The following SPON1 variants were observed in gnomAD, a reference collection of about 807,000 sequenced individuals.
SPON1 encodes the protein spondin 1.
A neutral mutation model predicts 111.7 loss-of-function variants in SPON1; 52 were observed. That is an observed-to-expected ratio of 0.47 (90% CI 0.37 to 0.59). SPON1 has a LOEUF of 0.59. Among genes scored for constraint, SPON1 ranks in the 20% least tolerant of loss-of-function variants. SPON1 has a pLI of 0.00. For synonymous variants in SPON1, 410 were observed against 395.8 expected (o/e 1.04, Z -0.43); for missense variants, 957 against 1,068.5 (o/e 0.90, Z 1.46).
chr11:14,225,784 G>A (rs1848732218), intron 6 of SPON1, among the ~76,000 whole-genome samples: 1 of 152,198 alleles, frequency 6.6e-6, no homozygotes, highest in Non-Finnish European at 1.5e-5. Context: ...CTACAGGGTT[G>A]CAAAAGTAAG....
intron 6 of SPON1, among the ~76,000 whole-genome samples, chr11:14,223,562 AT>A (rs1453369949): frequency 6.6e-6 from 1 of 152,226 alleles, no homozygotes; most frequent in African/African-American, 2.4e-5. Flanking sequence ...GATGAATGTC[AT>A]TCGGTTCTGT....
intron 2 of SPON1, among the ~76,000 whole-genome samples, chr11:13,992,410 C>A (rs1848237975): frequency 6.6e-6 from 1 of 152,164 alleles, no homozygotes; most frequent in Non-Finnish European, 1.5e-5. Flanking sequence ...CTTCCTCCAC[C>A]AAGCTCGAGC....
At chr11:13,990,668 G>T (rs1027891676) in intron 2 of SPON1, among the ~76,000 whole-genome samples, 2 of 151,810 alleles carry the variant, frequency 1.3e-5, no homozygotes, top group Non-Finnish European at 2.9e-5. Flanking sequence ...TCATAGTGTC[G>T]ATATTCTTTA....
chr11:14,131,376 A>C (rs1847527856), intron 5 of SPON1, among the ~76,000 whole-genome samples: 1 of 152,142 alleles, frequency 6.6e-6, no homozygotes, highest in South Asian at 2.1e-4. Context: ...GGAGATCATC[A>C]TCCTAACACC....
At chr11:13,992,035 G>T (rs1848234962) in intron 2 of SPON1, among the ~76,000 whole-genome samples, 1 of 152,180 alleles carries the variant, frequency 6.6e-6, no homozygotes, top group Non-Finnish European at 1.5e-5. Context: ...AATACACGGG[G>T]GTCAGGGACC....
intron 6 of SPON1, among the ~76,000 whole-genome samples, chr11:14,233,590 C>T (rs1554938956): frequency 1.3e-5 from 2 of 152,078 alleles, no homozygotes; most frequent in African/African-American, 2.4e-5. Context: ...CATTATTTAT[C>T]CCTTAAATAT....
chr11:14,230,333 T>C (rs1364685413), intron 6 of SPON1, among the ~76,000 whole-genome samples: 2 of 152,196 alleles, frequency 1.3e-5, no homozygotes, highest in African/African-American at 4.8e-5. Context: ...TTATTACATT[T>C]AAAGACCCAG....
intron 3 of SPON1, among the ~76,000 whole-genome samples, chr11:14,067,179 A>AT (rs1848839369): frequency 6.6e-6 from 1 of 151,692 alleles, no homozygotes; most frequent in Non-Finnish European, 1.5e-5. Flanking sequence ...TCTGCCTCAA[A>AT]AAAAACAAAA....
In SPON1 at chr11:13,998,098, T is replaced by A. The variant is rs374761255; in HGVS notation, c.345+15145T>A. On this transcript the variant is annotated intron_variant, in intron 2 of 15. Transcript: ENST00000576479. ...AGTAAATATTAGTCACATAAATAAA[T>A]GTATTAACCCCTCTTCAACTCAGAT... Among the ~76,000 whole-genome samples the A allele has an allele frequency of 2.8e-4, 42 of 152,278 alleles. No homozygotes were observed. In the East Asian group the frequency reaches 7.5e-3, roughly 27 times the overall value.
intron 6 of SPON1, among the ~76,000 whole-genome samples, chr11:14,233,639 A>T (rs1345855954): frequency 6.6e-6 from 1 of 151,738 alleles, no homozygotes; most frequent in Non-Finnish European, 1.5e-5. Context: ...GGTGCTGAGG[A>T]TATAGAAGGG....
chr11:14,017,525 G>A (rs1848452217), intron 2 of SPON1, among the ~76,000 whole-genome samples: 1 of 152,180 alleles, frequency 6.6e-6, no homozygotes, highest in Non-Finnish European at 1.5e-5. Flanking sequence ...CTTAAACTGT[G>A]TTCATATTCA....
intron 2 of SPON1, among the ~76,000 whole-genome samples, chr11:14,008,245 T>C (rs1334187942): frequency 6.6e-6 from 1 of 152,190 alleles, no homozygotes; most frequent in Non-Finnish European, 1.5e-5. Flanking sequence ...AAGGAGTATA[T>C]GGGAGGAGTA....
At chr11:14,025,316 T>C (rs1848509480) in intron 2 of SPON1, among the ~76,000 whole-genome samples, 1 of 152,260 alleles carries the variant, frequency 6.6e-6, no homozygotes, top group Non-Finnish European at 1.5e-5. Flanking sequence ...GCAATACCTC[T>C]TTAATTTTAA....
intron 6 of SPON1, among the ~76,000 whole-genome samples, chr11:14,173,785 A>G (rs905461682): frequency 6.6e-6 from 1 of 152,166 alleles, no homozygotes. Context: ...GGGTGTCAGC[A>G]GTGGTGGCTG....
chr11:14,247,891 A>C (rs1849009816), intron 7 of SPON1, among the ~76,000 whole-genome samples: 1 of 152,240 alleles, frequency 6.6e-6, no homozygotes, highest in African/African-American at 2.4e-5. Context: ...AGAATTCTGC[A>C]CTGAGATCTA....
At chr11:14,075,148 A>G (rs1417191795) in intron 3 of SPON1, among the ~76,000 whole-genome samples, 197 bp from the exon 4 acceptor site, 2 of 152,166 alleles carry the variant, frequency 1.3e-5, no homozygotes, top group Admixed American at 6.5e-5. Context: ...ATCTCTTGAC[A>G]TACATTTTCT....
At chr11:14,177,081 C>T (rs2133885284) in intron 6 of SPON1, among the ~76,000 whole-genome samples, 1 of 152,276 alleles carries the variant, frequency 6.6e-6, no homozygotes, top group Admixed American at 6.5e-5. Context: ...CGCTCTGTCA[C>T]CCAGGCTGGA....
At chr11:14,212,646 A>T (rs1413773190) in intron 6 of SPON1, among the ~76,000 whole-genome samples, 1 of 152,198 alleles carries the variant, frequency 6.6e-6, no homozygotes, top group East Asian at 1.9e-4. Context: ...ATTACAGATG[A>T]TGTATATGAA....
chr11:14,063,104 T>A (rs1317459372), intron 3 of SPON1, among the ~76,000 whole-genome samples: 1 of 152,118 alleles, frequency 6.6e-6, no homozygotes, highest in Non-Finnish European at 1.5e-5. Flanking sequence ...CTCCCTCATG[T>A]CTCCCAGATG....
Sources: gnomAD v4.1 joint callset for allele counts (sites outside exome capture counted in the v4.1 genomes callset) on GRCh38, gnomAD v4.1.1 for gene constraint, MANE v1.5 for transcripts, NCBI Gene and HGNC (gene_info 2026-07-23, HGNC 2026-07-21) for gene names.